GPATCH2: variants seen among roughly 807,000 people sequenced by gnomAD.
GPATCH2 encodes the protein G patch domain-containing protein 2.
In GPATCH2, 51 loss-of-function variants were observed where a neutral mutation model predicts 58.0. The ratio of observed to expected loss-of-function variants is 0.88; its 90% CI spans 0.70 to 1.11. GPATCH2 has a LOEUF of 1.11. Ranked by LOEUF, GPATCH2 falls within the 50% of genes most tolerant of loss-of-function variation. The pLI, the probability that GPATCH2 is intolerant of heterozygous loss-of-function variation, is 0.00. For missense variants in GPATCH2, 625 were observed against 652.2 expected, an observed-to-expected ratio of 0.96 and a Z score of 0.45; for synonymous variants, 222 against 218.5, an observed-to-expected ratio of 1.02 and a Z score of -0.14.
At chr1:217,441,995 T>A (rs1281167887) in intron 9 of GPATCH2, among the ~76,000 whole-genome samples, 1 of 152,220 alleles carries the variant, frequency 6.6e-6, no homozygotes, top group Non-Finnish European at 1.5e-5. Context: ...TTACTGGGTA[T>A]ATATCCAAAG....
intron 5 of GPATCH2, among the ~76,000 whole-genome samples, chr1:217,535,233 T>C (rs1447129658): frequency 4.6e-5 from 7 of 152,226 alleles, no homozygotes; most frequent in Non-Finnish European, 1.0e-4. Flanking sequence ...TTAAGCGAAA[T>C]AGAAAAAGTA....
At chr1:217,611,243 A>G (rs1668609990) in intron 3 of GPATCH2, among the ~76,000 whole-genome samples, 172 bp from the exon 4 acceptor site, 2 of 152,138 alleles carry the variant, frequency 1.3e-5, no homozygotes, top group Admixed American at 6.6e-5. Flanking sequence ...TTTGGTGGAA[A>G]TATGTCTAAG....
At chr1:217,560,220 C>A (rs746006500) in intron 5 of GPATCH2, among the ~76,000 whole-genome samples, 1 of 152,182 alleles carries the variant, frequency 6.6e-6, no homozygotes, top group Non-Finnish European at 1.5e-5. Context: ...GCTTAAGAAG[C>A]TTGTACTCCA....
chr1:217,616,934 GTCTCAAATAC>G (rs1668914515), intron 2 of GPATCH2, among the ~76,000 whole-genome samples: 1 of 152,008 alleles, frequency 6.6e-6, no homozygotes, highest in African/African-American at 2.4e-5. Context: ...CTTAAAATTG[GTCTCAAATAC>G]TCTCAAATAC....
intron 5 of GPATCH2, among the ~76,000 whole-genome samples, chr1:217,548,768 A>T (rs1665200901): frequency 6.6e-6 from 1 of 152,084 alleles, no homozygotes; most frequent in African/African-American, 2.4e-5. Context: ...TTTTATAAGC[A>T]TCTGGCATTT....
At chr1:217,499,488 T>C (rs980955213) in intron 6 of GPATCH2, among the ~76,000 whole-genome samples, 4 of 152,190 alleles carry the variant, frequency 2.6e-5, no homozygotes, top group Non-Finnish European at 5.9e-5. Flanking sequence ...GCCTCTGTGG[T>C]ATTAAAACCA....
At chr1:217,515,301 T>C (rs1663076082) in intron 5 of GPATCH2, among the ~76,000 whole-genome samples, 1 of 152,072 alleles carries the variant, frequency 6.6e-6, no homozygotes, top group Non-Finnish European at 1.5e-5. Flanking sequence ...TTTCACTGTG[T>C]TAGCCAGGAT....
intron 8 of GPATCH2, among the ~76,000 whole-genome samples, chr1:217,472,166 G>C (rs147666712): frequency 1.5e-4 from 23 of 152,170 alleles, no homozygotes; most frequent in African/African-American, 5.5e-4. Flanking sequence ...AAATGATCAA[G>C]TTTGTTGCAT....
At chr1:217,462,694 T>A (rs1379623652) in intron 8 of GPATCH2, among the ~76,000 whole-genome samples, 1 of 152,222 alleles carries the variant, frequency 6.6e-6, no homozygotes, top group Admixed American at 6.5e-5. Context: ...ATTATGGTGT[T>A]CGCTATAAAC....
In GPATCH2 at chr1:217,630,950, G is replaced by C. The variant is rs1401860130; in HGVS notation, c.22C>G (p.Gln8Glu). The C allele has an allele frequency of 6.3e-7, 1 of 1,588,458 alleles. No homozygotes were observed. The highest frequency in any genetic ancestry group is 8.5e-7 in the Non-Finnish European group (1 of 1,172,620). ...CCGGCTGCTGGAGCTCCGATCGGTTGGCGCCCGGCGGCCCCGAACATTAAC... is the reference window on the plus strand; with the variant it reads ...CCGGCTGCTGGAGCTCCGATCGGTTCGCGCCCGGCGGCCCCGAACATTAAC... MFGAAGR[Q>E]PIGAPAAGNS... Residue 8 changes from glutamine to glutamate, a missense_variant, in exon 1 of 10, where the codon CAA (glutamine) becomes GAA (glutamate). Coordinates refer to ENST00000366935, the MANE Select transcript of GPATCH2 (RefSeq NM_018040.5).
At chr1:217,449,628 C>T (rs766663040) in intron 8 of GPATCH2, among the ~76,000 whole-genome samples, 3 of 152,182 alleles carry the variant, frequency 2.0e-5, no homozygotes, top group Admixed American at 6.5e-5. Context: ...ACTGTTGCTT[C>T]TGACAGGAAA....
At chr1:217,590,287 G>A (rs537624341) in intron 5 of GPATCH2, among the ~76,000 whole-genome samples, 15 of 152,160 alleles carry the variant, frequency 9.9e-5, no homozygotes, top group Non-Finnish European at 1.6e-4. Flanking sequence ...CTCCCAAAGC[G>A]CTGGGATTAC....
chr1:217,578,195 T>C (rs1266641007), intron 5 of GPATCH2, among the ~76,000 whole-genome samples: 1 of 151,616 alleles, frequency 6.6e-6, no homozygotes, highest in Non-Finnish European at 1.5e-5. Context: ...AAAGGTAGTT[T>C]TGTTTTGTTT....
chr1:217,610,505 G>A (rs777684260), intron 4 of GPATCH2, 105 bp from the exon 5 acceptor site: 15 of 709,680 alleles, frequency 2.1e-5, no homozygotes, highest in East Asian at 1.3e-4. Context: ...TGGTGGTGGC[G>A]GTGAATGCCA....
At chr1:217,467,147 A>G (rs1660495501) in intron 8 of GPATCH2, among the ~76,000 whole-genome samples, 1 of 152,248 alleles carries the variant, frequency 6.6e-6, no homozygotes, top group Non-Finnish European at 1.5e-5. Flanking sequence ...ACTGCACTCC[A>G]GCCTGGGTGA....
intron 9 of GPATCH2, among the ~76,000 whole-genome samples, chr1:217,436,610 C>T (rs1027507928): frequency 1.2e-4 from 19 of 152,128 alleles, no homozygotes; most frequent in Admixed American, 2.0e-4. Flanking sequence ...CAATATATCG[C>T]ACTTTGTATA....
intron 5 of GPATCH2, among the ~76,000 whole-genome samples, chr1:217,535,191 C>G (rs150734375): frequency 0.011 from 1,734 of 152,284 alleles, 42 homozygotes; most frequent in African/African-American, 0.04. Context: ...AATCCTGGTA[C>G]TGTTGCTGGT....
chr1:217,594,779 G>C (rs1461367872), intron 5 of GPATCH2, among the ~76,000 whole-genome samples: 1 of 152,140 alleles, frequency 6.6e-6, no homozygotes, highest in Non-Finnish European at 1.5e-5. Flanking sequence ...AATCTAAAAA[G>C]AAAGTGTTTG....
At chr1:217,468,572 GAGAA>G (rs1456777176) in intron 8 of GPATCH2, among the ~76,000 whole-genome samples, 5 of 150,638 alleles carry the variant, frequency 3.3e-5, no homozygotes, top group Admixed American at 2.0e-4. Flanking sequence ...CAGAGAGAAA[GAGAA>G]AGAGAGATAG....
Sources: allele counts gnomAD v4.1 joint callset (sites outside exome capture counted in the v4.1 genomes callset), GRCh38; gene constraint gnomAD v4.1.1; transcripts MANE v1.5; gene names NCBI Gene and HGNC (gene_info 2026-07-23, HGNC 2026-07-21).